Variants in SCD5 observed in about 807,000 individuals in gnomAD.
The protein encoded by SCD5 is stearoyl-CoA desaturase 5.
In SCD5, 20 loss-of-function variants were observed where a neutral mutation model predicts 30.4. The ratio of observed to expected loss-of-function variants is 0.66; its 90% CI spans 0.46 to 0.96. The LOEUF (loss-of-function observed/expected upper bound fraction) is 0.96. Among genes scored for constraint, SCD5 ranks in the 40% least tolerant of loss-of-function variants. SCD5 has a pLI of 0.00. For synonymous variants in SCD5, 173 were observed against 176.4 expected (o/e 0.98, Z 0.16); for missense variants, 381 against 443.3 (o/e 0.86, Z 1.26).
intron 2 of SCD5, among the ~76,000 whole-genome samples, chr4:82,686,052 C>T (rs1728696885): frequency 6.6e-6 from 1 of 151,808 alleles, no homozygotes; most frequent in African/African-American, 2.4e-5. Context: ...GTCACCCAGG[C>T]TGGAGTGCAG....
intron 1 of SCD5, among the ~76,000 whole-genome samples, chr4:82,712,456 T>C (rs1720131728): frequency 6.7e-6 from 1 of 149,786 alleles, no homozygotes; most frequent in African/African-American, 2.5e-5. Flanking sequence ...TAGCTGGGAT[T>C]ACAGGCGTGT....
intron 1 of SCD5, among the ~76,000 whole-genome samples, chr4:82,739,726 A>G (rs1578046706): frequency 1.3e-5 from 2 of 152,400 alleles, no homozygotes; most frequent in South Asian, 4.1e-4. Flanking sequence ...ACGTAGAGTT[A>G]GACGCAGCTG....
At chr4:82,768,003 GAAAAA>G (rs1167541502) in intron 1 of SCD5, among the ~76,000 whole-genome samples, 2 of 151,750 alleles carry the variant, frequency 1.3e-5, no homozygotes. Context: ...AAACTTACAA[GAAAAA>G]AACAACTAAA....
At chr4:82,649,997 G>C (rs1378075640) in intron 3 of SCD5, among the ~76,000 whole-genome samples, 2 of 152,166 alleles carry the variant, frequency 1.3e-5, no homozygotes, top group Admixed American at 6.5e-5. Flanking sequence ...CACACTTTGA[G>C]GGGATGAAAC....
chr4:82,666,349 CTTTAT>C (rs1477959416), intron 3 of SCD5, among the ~76,000 whole-genome samples: 1 of 152,134 alleles, frequency 6.6e-6, no homozygotes, highest in Non-Finnish European at 1.5e-5. Flanking sequence ...TTGAAAGTCT[CTTTAT>C]TTTAAGAAAA....
chr4:82,795,563 C>T (rs1578071903), intron 1 of SCD5, among the ~76,000 whole-genome samples: 1 of 152,206 alleles, frequency 6.6e-6, no homozygotes, highest in East Asian at 1.9e-4. Context: ...GGTACAGTGG[C>T]TCACGCCTGT....
chr4:82,718,485 C>T (rs938450551), intron 1 of SCD5, among the ~76,000 whole-genome samples: 1 of 151,728 alleles, frequency 6.6e-6, no homozygotes, highest in Non-Finnish European at 1.5e-5. Flanking sequence ...ACCAAACGTT[C>T]CTCTATCTGG....
chr4:82,729,320 G>C (rs564064087), intron 1 of SCD5, among the ~76,000 whole-genome samples: 1 of 152,186 alleles, frequency 6.6e-6, no homozygotes, highest in Non-Finnish European at 1.5e-5. Flanking sequence ...GTGGTGAGGA[G>C]GGCCAAGGAC....
intron 3 of SCD5, among the ~76,000 whole-genome samples, chr4:82,654,244 G>T (rs146925610): frequency 6.6e-6 from 1 of 152,298 alleles, no homozygotes; most frequent in East Asian, 1.9e-4. Flanking sequence ...CTGTGTGACA[G>T]ATTTATTATT....
chr4:82,796,414 A>G (rs1349206999), intron 1 of SCD5, among the ~76,000 whole-genome samples: 1 of 152,128 alleles, frequency 6.6e-6, no homozygotes, highest in Non-Finnish European at 1.5e-5. Context: ...AAGCTAGAGG[A>G]CACTGGGGCC....
chr4:82,650,942 A>G (rs899946678), intron 3 of SCD5, among the ~76,000 whole-genome samples: 2 of 105,028 alleles, frequency 1.9e-5, no homozygotes, highest in African/African-American at 3.0e-5. Flanking sequence ...TAAATTACAT[A>G]TTTTTAGGAA....
chr4:82,728,948 G>A (rs948961010), intron 1 of SCD5, among the ~76,000 whole-genome samples: 2 of 152,202 alleles, frequency 1.3e-5, no homozygotes, highest in African/African-American at 4.8e-5. Context: ...CTCTCTGAAG[G>A]AGTCTGGAGG....
At chr4:82,715,184 C>T (rs1000791163) in intron 1 of SCD5, among the ~76,000 whole-genome samples, 1 of 149,676 alleles carries the variant, frequency 6.7e-6, no homozygotes, top group African/African-American at 2.5e-5. Flanking sequence ...TTGCAGTGCA[C>T]TAAGATCATG....
chr4:82,657,711 T>C (rs980303435), intron 3 of SCD5, among the ~76,000 whole-genome samples: 3 of 152,218 alleles, frequency 2.0e-5, no homozygotes, highest in Admixed American at 2.0e-4. Flanking sequence ...TTTCACAATA[T>C]TGATTCTTTC....
At chr4:82,735,524 G>A (rs764824889) in intron 1 of SCD5, among the ~76,000 whole-genome samples, 59 of 152,262 alleles carry the variant, frequency 3.9e-4, no homozygotes, top group Non-Finnish European at 1.5e-4. Flanking sequence ...ACAGATACAC[G>A]ACAATAAACG....
At chr4:82,758,295 C>T (rs1161123545) in intron 1 of SCD5, among the ~76,000 whole-genome samples, 1 of 152,062 alleles carries the variant, frequency 6.6e-6, no homozygotes, top group East Asian at 1.9e-4. Context: ...AGATCCCTGT[C>T]TCTCCAAAAA....
chr4:82,742,011 T>G (rs1578047916), intron 1 of SCD5, among the ~76,000 whole-genome samples: 4 of 137,140 alleles, frequency 2.9e-5, no homozygotes, highest in African/African-American at 5.5e-5. Flanking sequence ...AACCGGGAGG[T>G]GGAGCTTGCA....
chr4:82,647,111 C>T (rs1727648443), intron 3 of SCD5, among the ~76,000 whole-genome samples: 1 of 152,192 alleles, frequency 6.6e-6, no homozygotes, highest in Admixed American at 6.5e-5. Context: ...AGGTGTGAGC[C>T]ACCACACTCA....
At chr4:82,678,916 T>C (rs1728491721) in intron 3 of SCD5, among the ~76,000 whole-genome samples, 2 of 152,092 alleles carry the variant, frequency 1.3e-5, no homozygotes, top group African/African-American at 4.8e-5. Context: ...GAAAATATCT[T>C]GTTGGCTGGG....
Sources: gnomAD v4.1 joint callset for allele counts (sites outside exome capture counted in the v4.1 genomes callset) on GRCh38, gnomAD v4.1.1 for gene constraint, MANE v1.5 for transcripts, NCBI Gene and HGNC (gene_info 2026-07-23, HGNC 2026-07-21) for gene names.